The following EVC variants were observed in gnomAD, a reference collection of about 807,000 sequenced individuals.
EVC encodes evC complex member EVC.
A neutral mutation model predicts 118.9 loss-of-function variants in EVC; 116 were observed. The ratio of observed to expected loss-of-function variants is 0.98; its 90% CI spans 0.84 to 1.14. EVC has a LOEUF of 1.14. Among genes scored for constraint, EVC ranks in the 50% most tolerant of loss-of-function variants. EVC has a pLI of 0.00. For missense variants in EVC, 1,401 were observed against 1,246.4 expected, an observed-to-expected ratio of 1.12 and a Z score of -1.87; for synonymous variants, 619 against 534.7, an observed-to-expected ratio of 1.16 and a Z score of -2.18.
chr4:5,818,099 T>TC (rs1458558726), downstream of EVC, among the ~76,000 whole-genome samples: 4 of 152,000 alleles, frequency 2.6e-5, no homozygotes, highest in Admixed American at 2.6e-4. Flanking sequence ...GGGGGCAGTT[T>TC]CCCCCCATAC....
In EVC at chr4:5,745,184, T is replaced by C. The variant is rs1157823005; in HGVS notation, c.802-20T>C. The C allele has an allele frequency of 1.9e-6, 3 of 1,607,846 alleles. No homozygotes were observed. The highest frequency in any genetic ancestry group is 2.5e-6 in the Non-Finnish European group (3 of 1,178,296). On this transcript the variant is annotated intron_variant, in intron 6 of 20. Transcript: ENST00000264956. ...CTTTTTCTTTGTTTATTTGCTTTCT[T>C]TTTTCTTCTTCTTCTTCAGGATTTG...
intron 5 of EVC, among the ~76,000 whole-genome samples, chr4:5,734,281 G>C (rs1727322606): frequency 6.6e-6 from 1 of 152,204 alleles, no homozygotes; most frequent in Non-Finnish European, 1.5e-5. Context: ...AGGAGAGCTA[G>C]AAACAGGTGG....
Position 5,774,337 on chromosome 4 carries a change from G to C in EVC, c.1564-9215G>C, listed in dbSNP as rs76506840. 6.1e-3 allele frequency among the ~76,000 whole-genome samples: 932 copies of C among 151,770 alleles called. 16 individuals are homozygous for C. The highest frequency in any genetic ancestry group is 0.021 in the African/African-American group (873 of 41,304). ...TGTTCCTAGAATGACAATAGCAGTGGATAACACTTCTTGAGAACCACACAC... is the reference window on the plus strand; with the variant it reads ...TGTTCCTAGAATGACAATAGCAGTGCATAACACTTCTTGAGAACCACACAC... On this transcript the variant is annotated intron_variant, in intron 11 of 20. Transcript: ENST00000264956.
intron 11 of EVC, among the ~76,000 whole-genome samples, chr4:5,764,477 G>C (rs1188480940): frequency 2.1e-5 from 3 of 145,716 alleles, no homozygotes; most frequent in African/African-American, 7.6e-5. Flanking sequence ...AGAAGGAATG[G>C]TACCAGTTCC....
rs1399271516 is a variant in EVC, at chr4:5,756,615, C to A, written c.1563+253C>A. ...GCTGAGGATTCTTATCTCCACACAT[C>A]CCTGTCAGCAAAGCTCTTTGGAAAT... On this transcript the variant is annotated intron_variant, in intron 11 of 20. Coordinates refer to ENST00000264956, the MANE Select transcript of EVC (RefSeq NM_153717.3). This position sits in a 1 kb window ranked among gnomAD's most constrained non-coding sequence, Gnocchi z 4.2. Among the ~76,000 whole-genome samples, 3 of 152,216 alleles carry A rather than the reference C, an allele frequency of 2.0e-5. No homozygotes were observed. Among genetic ancestry groups the A allele is most frequent in the Non-Finnish European group, 2.9e-5 (2 of 68,040 alleles).
At chr4:5,792,182 G>C (rs1712915527) in intron 12 of EVC, among the ~76,000 whole-genome samples, 1 of 152,120 alleles carries the variant, frequency 6.6e-6, no homozygotes, top group Admixed American at 6.5e-5. Context: ...ATAAGTCCAA[G>C]CATCCCATTA....
At chr4:5,761,294 G>A (rs890985285) in intron 11 of EVC, among the ~76,000 whole-genome samples, 6 of 152,048 alleles carry the variant, frequency 3.9e-5, no homozygotes, top group Admixed American at 6.5e-5. Flanking sequence ...GCCCAGTGGG[G>A]ATGAGCCCAG....
chr4:5,783,516 G>A (rs753880251), intron 11 of EVC, 36 bp from the exon 12 acceptor site: 43 of 1,605,940 alleles, frequency 2.7e-5, no homozygotes, highest in East Asian at 1.3e-4. Context: ...GGGTCCTGCC[G>A]TGACCTGTAA....
chr4:5,796,061 T>C (rs2152336513), intron 13 of EVC, among the ~76,000 whole-genome samples: 1 of 152,280 alleles, frequency 6.6e-6, no homozygotes, highest in South Asian at 2.1e-4. Context: ...TTCCAGCCAC[T>C]CTCTCTTCAG....
intron 13 of EVC, 28 bp from the exon 14 acceptor site, chr4:5,796,994 C>A (rs878913355): frequency 1.3e-6 from 2 of 1,554,642 alleles, no homozygotes; most frequent in Non-Finnish European, 1.8e-6. Flanking sequence ...AGAGCATTGA[C>A]CCCACCCCTC....
rs568114640 is a variant in EVC, at chr4:5,814,078, G to A, written c.*3041G>A. On this transcript the variant is annotated 3_prime_UTR_variant, in exon 21 of 21. Transcript: ENST00000264956. ...TGAAGCTGATGAAGGCTTGAAGGAC[G>A]GAAGGGCTGAGCCACATGAAGGCAG... 2.6e-5 allele frequency: 4 copies of A among 152,332 alleles called. No homozygotes were observed. Among genetic ancestry groups the A allele is most frequent in the East Asian group, 1.9e-4 (1 of 5,182 alleles). The allele number at this position is 152,332 out of a possible 1,614,324, so 9.4% of individuals were successfully genotyped here.
At chr4:5,827,519 A>G in the EVC span, among the ~76,000 whole-genome samples, 1 of 152,098 alleles carries the variant, frequency 6.6e-6, no homozygotes, top group Admixed American at 6.5e-5. Context: ...GGACTTCTCC[A>G]TCTCAATTGG....
At chr4:5,786,256 G>A (rs777137980) in intron 12 of EVC, among the ~76,000 whole-genome samples, 2 of 152,188 alleles carry the variant, frequency 1.3e-5, no homozygotes, top group African/African-American at 2.4e-5. Context: ...TCATTTAATG[G>A]TATTGATAGT....
intron 11 of EVC, among the ~76,000 whole-genome samples, chr4:5,761,629 A>AG (rs1732034602): frequency 6.6e-6 from 1 of 151,996 alleles, no homozygotes; most frequent in African/African-American, 2.4e-5. Context: ...AAGAGAACAG[A>AG]GGAAGCAGGC....
Position 5,812,154 on chromosome 4 carries a change from C to T in EVC, c.*1117C>T, listed in dbSNP as rs1219018137. 2.1e-4 allele frequency: 29 copies of T among 141,208 alleles called. No individual in the cohort carries two copies. Among genetic ancestry groups the T allele is most frequent in the Non-Finnish European group, 4.0e-4 (27 of 66,924 alleles). The allele number at this position is 141,208 out of a possible 1,614,324, so 8.7% of individuals were successfully genotyped here. Reference sequence around the variant, plus strand: ...ACTTCCAGACCAGCCCCTCATACCACAGCCAAGAGGGGCCTTTCTCACCTG... The same window carrying T: ...ACTTCCAGACCAGCCCCTCATACCATAGCCAAGAGGGGCCTTTCTCACCTG... On this transcript the variant is annotated 3_prime_UTR_variant, in exon 21 of 21. Transcript: ENST00000264956.
In EVC at chr4:5,741,765, A is replaced by G; in HGVS notation, c.752A>G (p.Lys251Arg). 6.3e-7 allele frequency: 1 copy of G among 1,575,112 alleles called. No individual in the cohort carries two copies. The highest frequency in any genetic ancestry group is 8.7e-7 in the Non-Finnish European group (1 of 1,145,956). ...KMCLLDLLPK[K>R]KSDDELYQKI... ...TGCCTCCTTGACCTTCTTCCTAAAA[A>G]GAAGTCAGATGATGAACTATACCAG... is the stretch of plus-strand genomic sequence containing the variant. The change falls in exon 6 of 21, where the codon AAG (lysine) becomes AGG (arginine). Residue 251 changes from lysine to arginine, a missense_variant. Coordinates refer to ENST00000264956, the MANE Select transcript of EVC (RefSeq NM_153717.3).
chr4:5,752,773 A>AT lies in EVC; in HGVS notation c.1099-61dup, dbSNP rs1050272190. ...CCTGGTGGCTTCTTCTCAGCTGTTAATTAACATGCCCTGGTGGTTCCCAGG... is the reference window on the plus strand; with the variant it reads ...CCTGGTGGCTTCTTCTCAGCTGTTAATTTAACATGCCCTGGTGGTTCCCAGG... On this transcript the variant is annotated intron_variant, in intron 8 of 20. Transcript: ENST00000264956. 6.9e-5 allele frequency: 108 copies of AT among 1,559,608 alleles called. No homozygotes were observed. In the Admixed American group the frequency reaches 1.8e-3, roughly 26 times the overall value.
At position 5,749,154 on chromosome 4, in the gene EVC, G is replaced by C. The variant is rs1441539087; in HGVS notation, c.1098+848G>C. On this transcript the variant is annotated intron_variant, in intron 8 of 20. Transcript: ENST00000264956. The surrounding 1 kb of genome is among the most constrained non-coding windows in gnomAD (Gnocchi z 4.4). The stretch of plus-strand genomic sequence containing the variant: ...TCACTCTGAGGTTCTAATATGATTG[G>C]TCTGGAGTGGAGGCCCTGGCATTGT... 6.6e-6 allele frequency among the ~76,000 whole-genome samples: 1 copy of C among 151,940 alleles called. No individual in the cohort carries two copies. The highest frequency in any genetic ancestry group is 1.5e-5 in the Non-Finnish European group (1 of 68,010).
At chr4:5,765,903 A>T (rs569637318) in intron 11 of EVC, among the ~76,000 whole-genome samples, 1 of 144,438 alleles carries the variant, frequency 6.9e-6, no homozygotes, top group Non-Finnish European at 1.5e-5. Context: ...GTCCATTTAC[A>T]TTTAAAGTTA....
Sources: gnomAD v4.1 joint callset for allele counts (sites outside exome capture counted in the v4.1 genomes callset) on GRCh38, gnomAD v4.1.1 for gene constraint, Gnocchi (gnomAD v3.1) non-coding constraint, MANE v1.5 for transcripts, NCBI Gene and HGNC (gene_info 2026-07-23, HGNC 2026-07-21) for gene names.